The following SLC25A13 variants were observed in gnomAD, a reference collection of about 807,000 sequenced individuals.
The protein encoded by SLC25A13 is solute carrier family 25 member 13.
In SLC25A13, 70 loss-of-function variants were observed where a neutral mutation model predicts 85.5. The ratio of observed to expected loss-of-function variants is 0.82; its 90% CI spans 0.68 to 1.00. The LOEUF is 1.00. Ranked by LOEUF, SLC25A13 falls within the 50% of genes least tolerant of loss-of-function variation. The pLI, the probability that SLC25A13 is intolerant of heterozygous loss-of-function variation, is 0.00. For synonymous variants in SLC25A13, 259 were observed against 288.7 expected (o/e 0.90, Z 1.04); for missense variants, 765 against 819.8 (o/e 0.93, Z 0.82).
At chr7:96,278,724 T>A (rs777401111) in intron 2 of SLC25A13, among the ~76,000 whole-genome samples, 1 of 151,930 alleles carries the variant, frequency 6.6e-6, no homozygotes, top group Non-Finnish European at 1.5e-5. Flanking sequence ...CAGTTAACAT[T>A]TTTTTTAGCA....
At position 96,189,291 on chromosome 7, in the gene SLC25A13, C is replaced by T. The variant is rs2116648118; in HGVS notation, c.933+3G>A. On this transcript the variant is annotated splice_donor_region_variant and intron_variant, in intron 9 of 17. Transcript: ENST00000265631. ...GAATGCAAGTTTGCTCCTCTTTGCTCACCTGCCTCTGGGCCTCAGCCAAGT... is the reference window on the plus strand; with the variant it reads ...GAATGCAAGTTTGCTCCTCTTTGCTTACCTGCCTCTGGGCCTCAGCCAAGT... 6.2e-7 allele frequency: 1 copy of T among 1,613,822 alleles called. No homozygotes were observed. The highest frequency in any genetic ancestry group is 8.5e-7 in the Non-Finnish European group (1 of 1,179,834).
intron 4 of SLC25A13, among the ~76,000 whole-genome samples, chr7:96,229,133 C>T (rs11770128): frequency 6.6e-6 from 1 of 152,208 alleles, no homozygotes; most frequent in Non-Finnish European, 1.5e-5. Flanking sequence ...CCGCCCGCAG[C>T]CCCAGTGCGG....
At chr7:96,304,644 C>CT (rs1248369290) in intron 1 of SLC25A13, among the ~76,000 whole-genome samples, 1 of 152,172 alleles carries the variant, frequency 6.6e-6, no homozygotes, top group African/African-American at 2.4e-5. Flanking sequence ...AACCAAGAAA[C>CT]TGTCTCCAGA....
At chr7:96,159,693 T>C (rs1313603297) in intron 13 of SLC25A13, among the ~76,000 whole-genome samples, 1 of 152,212 alleles carries the variant, frequency 6.6e-6, no homozygotes, top group Non-Finnish European at 1.5e-5. Flanking sequence ...ATATAGAATT[T>C]TTTTTTCTTT....
chr7:96,299,262 C>T (rs1268480820), intron 1 of SLC25A13, among the ~76,000 whole-genome samples: 1 of 152,186 alleles, frequency 6.6e-6, no homozygotes, highest in Non-Finnish European at 1.5e-5. Context: ...ATCAGAACTA[C>T]ACCTCAAAGG....
chr7:96,250,756 G>T (rs975566250), intron 3 of SLC25A13, among the ~76,000 whole-genome samples: 5 of 62,656 alleles, frequency 8.0e-5, no homozygotes, highest in African/African-American at 3.1e-4. Flanking sequence ...AAAAAAAGAG[G>T]CTCCATAAAA....
chr7:96,120,844 C>T lies in SLC25A13; in HGVS notation c.*347G>A. ...TGCTCTGAGCACCATGATTGCCTTA[C>T]AGTAGCCTCTTTGGGACTACAATCC... On this transcript the variant is annotated 3_prime_UTR_variant, in exon 18 of 18. Transcript: ENST00000265631. 1 of 473,470 alleles carries T rather than the reference C, an allele frequency of 2.1e-6. No individual in the cohort carries two copies. The highest frequency in any genetic ancestry group is 4.2e-6 in the Non-Finnish European group (1 of 239,868). 29.3% of individuals were successfully genotyped at this position (473,470 alleles called of 1,614,324 possible).
At chr7:96,156,204 A>G (rs1446142370) in intron 13 of SLC25A13, among the ~76,000 whole-genome samples, 2 of 152,256 alleles carry the variant, frequency 1.3e-5, no homozygotes, top group African/African-American at 4.8e-5. Flanking sequence ...TTCATCAGAT[A>G]TATCAAATTT....
At chr7:96,198,312 T>C (rs1795137116) in intron 5 of SLC25A13, among the ~76,000 whole-genome samples, 1 of 152,174 alleles carries the variant, frequency 6.6e-6, no homozygotes, top group Admixed American at 6.5e-5. Context: ...GTGGCTTTGA[T>C]TTTTGTCCAG....
intron 5 of SLC25A13, among the ~76,000 whole-genome samples, chr7:96,203,106 T>C (rs1795323160): frequency 6.6e-6 from 1 of 152,202 alleles, no homozygotes; most frequent in East Asian, 1.9e-4. Context: ...AGAGTGATCC[T>C]TCTGAAGCAC....
rs554197394 is a variant in SLC25A13, at chr7:96,269,249, C to G, written c.212+7947G>C. ...AACATGGAAGGCTGACCAATGTACC[C>G]AAGGCACTCATGCATCATTCCACTA... On this transcript the variant is annotated intron_variant, in intron 3 of 17. Coordinates refer to ENST00000265631, the MANE Select transcript of SLC25A13 (RefSeq NM_014251.3). 5.5e-4 allele frequency among the ~76,000 whole-genome samples: 83 copies of G among 152,290 alleles called. 1 individual carries two copies. Among genetic ancestry groups the G allele is most frequent in the African/African-American group, 1.9e-3 (78 of 41,566 alleles).
chr7:96,317,724 T>A (rs758930276), intron 1 of SLC25A13, among the ~76,000 whole-genome samples: 1 of 152,102 alleles, frequency 6.6e-6, no homozygotes, highest in Non-Finnish European at 1.5e-5. Context: ...GGTTTTGGTT[T>A]TCTTGAACAT....
intron 4 of SLC25A13, among the ~76,000 whole-genome samples, chr7:96,233,589 G>A (rs1346498968): frequency 6.6e-6 from 1 of 152,138 alleles, no homozygotes; most frequent in Non-Finnish European, 1.5e-5. Context: ...GGCGAAGGGG[G>A]TTGGCACAAT....
chr7:96,239,783 T>C (rs867013206), intron 3 of SLC25A13, among the ~76,000 whole-genome samples: 9 of 152,190 alleles, frequency 5.9e-5, no homozygotes, highest in Middle Eastern at 3.2e-3. Context: ...ATATTTTCTG[T>C]AAGCAAGTCA....
At chr7:96,287,306 T>C (rs1798927526) in intron 2 of SLC25A13, among the ~76,000 whole-genome samples, 1 of 152,344 alleles carries the variant, frequency 6.6e-6, no homozygotes, top group East Asian at 1.9e-4. Context: ...AACTGCTGAC[T>C]GCTGTTTTCT....
At chr7:96,183,705 G>C (rs1386440723) in intron 11 of SLC25A13, among the ~76,000 whole-genome samples, 1 of 152,088 alleles carries the variant, frequency 6.6e-6, no homozygotes, top group Non-Finnish European at 1.5e-5. Flanking sequence ...ACCTTAGATG[G>C]TTAAAGGAAA....
intron 3 of SLC25A13, among the ~76,000 whole-genome samples, chr7:96,241,411 CA>C (rs1266015543): frequency 6.6e-6 from 1 of 152,188 alleles, no homozygotes; most frequent in Non-Finnish European, 1.5e-5. Flanking sequence ...CAATATACAA[CA>C]ATATGTGATG....
intron 13 of SLC25A13, among the ~76,000 whole-genome samples, chr7:96,155,342 T>C (rs1793219635): frequency 6.6e-6 from 1 of 152,192 alleles, no homozygotes; most frequent in Non-Finnish European, 1.5e-5. Context: ...TGAAGGATCT[T>C]CTAGCAGAGG....
chr7:96,245,807 A>G (rs1797168798), intron 3 of SLC25A13, among the ~76,000 whole-genome samples: 1 of 152,206 alleles, frequency 6.6e-6, no homozygotes, highest in Non-Finnish European at 1.5e-5. Context: ...ACCATTGAGG[A>G]AAAAAGGGAA....
Sources: allele counts gnomAD v4.1 joint callset (sites outside exome capture counted in the v4.1 genomes callset), GRCh38; gene constraint gnomAD v4.1.1; transcripts MANE v1.5; gene names NCBI Gene and HGNC (gene_info 2026-07-23, HGNC 2026-07-21).